The following AFF3 variants were observed in gnomAD, a reference collection of about 807,000 sequenced individuals.
AFF3 encodes the protein ALF transcription elongation factor 3.
In AFF3, 32 loss-of-function variants were observed where a neutral mutation model predicts 129.7. The observed-to-expected ratio is 0.25, with a 90% confidence interval of 0.19 to 0.33. AFF3 has a LOEUF of 0.33. AFF3 is among the 10% of genes least tolerant of loss of function. The pLI is 1.00. For synonymous variants in AFF3, 644 were observed against 635.4 expected, an observed-to-expected ratio of 1.01 and a Z score of -0.20; for missense variants, 1,373 against 1,592.0, an observed-to-expected ratio of 0.86 and a Z score of 2.34.
At chr2:99,585,251 A>G (rs1235838618) in intron 16 of AFF3, among the ~76,000 whole-genome samples, 1 of 152,236 alleles carries the variant, frequency 6.6e-6, no homozygotes, top group Non-Finnish European at 1.5e-5. Flanking sequence ...ATTAAATATT[A>G]TCATGGATAT....
intron 13 of AFF3, among the ~76,000 whole-genome samples, chr2:99,642,802 T>C (rs1684328500): frequency 6.6e-6 from 1 of 152,140 alleles, no homozygotes; most frequent in Non-Finnish European, 1.5e-5. Flanking sequence ...TGGCCCTGGG[T>C]GAGTTGCATC....
intron 7 of AFF3, among the ~76,000 whole-genome samples, chr2:99,861,168 T>C (rs1234167229): frequency 6.6e-6 from 1 of 152,218 alleles, no homozygotes; most frequent in Non-Finnish European, 1.5e-5. Context: ...TTTTCAGCAA[T>C]GTTGCCAGTT....
chr2:99,752,142 A>G, intron 9 of AFF3, 79 bp downstream of exon 9: 1 of 1,277,840 alleles, frequency 7.8e-7, no homozygotes, highest in East Asian at 2.4e-5. Context: ...AGAAAAGACA[A>G]TCACGGGTAA....
chr2:99,753,732 G>A (rs766699420), intron 8 of AFF3, among the ~76,000 whole-genome samples: 9 of 152,150 alleles, frequency 5.9e-5, no homozygotes, highest in African/African-American at 1.7e-4. Flanking sequence ...CCCACACCAC[G>A]ACACGTGACA....
At chr2:99,571,047 C>A (rs571571898) in intron 18 of AFF3, among the ~76,000 whole-genome samples, 1 of 152,202 alleles carries the variant, frequency 6.6e-6, no homozygotes, top group African/African-American at 2.4e-5. Context: ...ATTGCTGGTA[C>A]GTTTTTAGTA....
intron 2 of AFF3, 82 bp downstream of exon 2, chr2:100,129,142 G>A (rs1573470869): frequency 6.6e-6 from 1 of 152,094 alleles, no homozygotes; most frequent in East Asian, 1.9e-4. Flanking sequence ...ATGAGATTCT[G>A]GAACAAAAAT....
chr2:99,666,322 G>A (rs1292188315), intron 12 of AFF3, among the ~76,000 whole-genome samples: 1 of 152,094 alleles, frequency 6.6e-6, no homozygotes, highest in Non-Finnish European at 1.5e-5. Flanking sequence ...AAGGGAGAAA[G>A]CATGCAAAAT....
chr2:99,574,851 G>C (rs1393467623), intron 18 of AFF3, among the ~76,000 whole-genome samples: 1 of 152,012 alleles, frequency 6.6e-6, no homozygotes, highest in Non-Finnish European at 1.5e-5. Context: ...GCCTCTCTTT[G>C]GTCATTTCAC....
chr2:99,893,912 G>C (rs950857267), intron 7 of AFF3, among the ~76,000 whole-genome samples: 1 of 152,142 alleles, frequency 6.6e-6, no homozygotes, highest in Non-Finnish European at 1.5e-5. Flanking sequence ...CACTTTCTAA[G>C]TTTTGAGGCT....
intron 8 of AFF3, among the ~76,000 whole-genome samples, chr2:99,819,922 G>T (rs1687522462): frequency 6.6e-6 from 1 of 152,226 alleles, no homozygotes; most frequent in Non-Finnish European, 1.5e-5. Context: ...CTTACTGGGG[G>T]TAATGTGGGA....
intron 4 of AFF3, among the ~76,000 whole-genome samples, chr2:100,058,444 A>G (rs558898876): frequency 1.1e-4 from 17 of 152,368 alleles, no homozygotes; most frequent in African/African-American, 3.6e-4. Context: ...AAAAAAAAAT[A>G]TATAAACATT....
intron 8 of AFF3, among the ~76,000 whole-genome samples, chr2:99,808,676 A>T (rs1166393521): frequency 3.3e-5 from 5 of 152,248 alleles, no homozygotes; most frequent in African/African-American, 7.2e-5. Context: ...AAAGAAAAAA[A>T]AACAAGAAAG....
At chr2:99,874,390 T>A (rs1692124655) in intron 7 of AFF3, among the ~76,000 whole-genome samples, 1 of 152,170 alleles carries the variant, frequency 6.6e-6, no homozygotes, top group Non-Finnish European at 1.5e-5. Context: ...AATTGCCTGG[T>A]CCCTGAACCT....
intron 11 of AFF3, among the ~76,000 whole-genome samples, chr2:99,690,136 A>T (rs1361018480): frequency 6.9e-6 from 1 of 144,782 alleles, no homozygotes; most frequent in African/African-American, 2.5e-5. Flanking sequence ...CAACACCTAA[A>T]TTTATAATAA....
intron 11 of AFF3, among the ~76,000 whole-genome samples, chr2:99,718,951 C>T (rs1024695455): frequency 2.0e-5 from 3 of 151,572 alleles, no homozygotes; most frequent in African/African-American, 4.8e-5. Flanking sequence ...GGGTTTTCAC[C>T]GTGTTAAGCC....
At position 99,554,548 on chromosome 2, in the gene AFF3, G is replaced by T; in HGVS notation, c.3336-14C>A. 6.2e-7 allele frequency: 1 copy of T among 1,610,636 alleles called. No homozygotes were observed. On this transcript the variant is annotated splice_polypyrimidine_tract_variant and intron_variant, in intron 23 of 24. Transcript: ENST00000672756. The stretch of plus-strand genomic sequence containing the variant: ...GTTCCAGTGCTCCTGGAAGGGGAGA[G>T]GTAGAAAAACCAGAGTGGCGAGGTC...
intron 1 of AFF3, among the ~76,000 whole-genome samples, chr2:100,137,462 C>G (rs1692681936): frequency 6.6e-6 from 1 of 152,188 alleles, no homozygotes; most frequent in Non-Finnish European, 1.5e-5. Context: ...TCCTCTGAGC[C>G]CCTAACTTAC....
At chr2:99,724,234 T>TTATGCTC (rs1679156635) in intron 11 of AFF3, among the ~76,000 whole-genome samples, 1 of 146,394 alleles carries the variant, frequency 6.8e-6, no homozygotes, top group Non-Finnish European at 1.5e-5. Context: ...ATCAGAAGGT[T>TTATGCTC]TATGCTCTAA....
intron 4 of AFF3, among the ~76,000 whole-genome samples, chr2:100,073,163 T>C (rs1386622197): frequency 6.6e-6 from 1 of 152,206 alleles, no homozygotes; most frequent in Non-Finnish European, 1.5e-5. Flanking sequence ...TAATCTCCAA[T>C]GCTTCAGAAT....
Sources: gnomAD v4.1 joint callset for allele counts (sites outside exome capture counted in the v4.1 genomes callset) on GRCh38, gnomAD v4.1.1 for gene constraint, MANE v1.5 for transcripts, NCBI Gene and HGNC (gene_info 2026-07-23, HGNC 2026-07-21) for gene names.